The following PYGO1 variants were observed in gnomAD, a reference collection of about 807,000 sequenced individuals.
The protein encoded by PYGO1 is pygopus family PHD finger 1.
PYGO1 carries 6 observed loss-of-function variants against 29.5 expected under a neutral mutation model. The ratio of observed to expected loss-of-function variants is 0.20; its 90% CI spans 0.11 to 0.40. The LOEUF is 0.40. Ranked by LOEUF, PYGO1 falls within the 10% of genes least tolerant of loss-of-function variation. The pLI is 1.00. For missense variants in PYGO1, 515 were observed against 514.9 expected, an observed-to-expected ratio of 1.00 and a Z score of 0.00; for synonymous variants, 186 against 180.5, an observed-to-expected ratio of 1.03 and a Z score of -0.24.
chr15:55,574,592 G>A (rs2058993528), intron 1 of PYGO1, among the ~76,000 whole-genome samples: 1 of 151,764 alleles, frequency 6.6e-6, no homozygotes, highest in South Asian at 2.1e-4. Flanking sequence ...TCAATTTGTT[G>A]CAATTCTTCA....
intron 1 of PYGO1, among the ~76,000 whole-genome samples, chr15:55,569,604 A>AT: frequency 6.6e-6 from 1 of 152,252 alleles, no homozygotes; most frequent in South Asian, 2.1e-4. Context: ...CAATTGTGTG[A>AT]TTTTGAGAGA....
chr15:55,550,998 T>C (rs2058876453), intron 1 of PYGO1, among the ~76,000 whole-genome samples: 1 of 152,122 alleles, frequency 6.6e-6, no homozygotes, highest in South Asian at 2.1e-4. Flanking sequence ...ACAACCTAGA[T>C]CCCTCGCATG....
At chr15:55,560,210 A>C (rs1322242637) in intron 1 of PYGO1, among the ~76,000 whole-genome samples, 3 of 152,116 alleles carry the variant, frequency 2.0e-5, no homozygotes, top group African/African-American at 7.2e-5. Flanking sequence ...AAAGAAATAA[A>C]GTGTATTCAA....
intron 1 of PYGO1, 84 bp from the exon 2 acceptor site, chr15:55,549,079 CT>C (rs2058867231): frequency 9.8e-7 from 1 of 1,015,778 alleles, no homozygotes. Flanking sequence ...TTATATTTAC[CT>C]GTTAATGTTT....
chr15:55,583,615 C>A (rs531321512), intron 1 of PYGO1, among the ~76,000 whole-genome samples: 3 of 152,228 alleles, frequency 2.0e-5, no homozygotes, highest in South Asian at 4.1e-4. Flanking sequence ...CTCCTGGGCT[C>A]AAGGGATCCT....
rs554154421 is a variant in PYGO1, at chr15:55,578,147, C to A, written c.49+9688G>T. On this transcript the variant is annotated intron_variant, in intron 1 of 2. Transcript: ENST00000563719. ...CGTTTAGCATAACATTTTCAAGGTT[C>A]ATCCATGTTGTAGTATGTATCAGTA... 2.6e-5 allele frequency among the ~76,000 whole-genome samples: 4 copies of A among 152,254 alleles called. No homozygotes were observed. The South Asian group carries it at 8.3e-4, about 32-fold the overall frequency.
At chr15:55,563,838 T>TA (rs2058943706) in intron 1 of PYGO1, among the ~76,000 whole-genome samples, 1 of 152,128 alleles carries the variant, frequency 6.6e-6, no homozygotes, top group Non-Finnish European at 1.5e-5. Context: ...GTAGTCGTTA[T>TA]AAAAAATGCA....
At chr15:55,576,759 T>TAAAAAAAAAAAAAAAA (rs1567059330) in intron 1 of PYGO1, among the ~76,000 whole-genome samples, 1 of 4,190 alleles carries the variant, frequency 2.4e-4, no homozygotes, top group Admixed American at 3.9e-3. Context: ...GGGCGACAGA[T>TAAAAAAAAAAAAAAAA]CAAAAAAAAG....
intron 1 of PYGO1, among the ~76,000 whole-genome samples, chr15:55,584,624 T>C (rs1045069309): frequency 6.6e-6 from 1 of 152,162 alleles, no homozygotes; most frequent in Admixed American, 6.5e-5. Context: ...AAATGGACTA[T>C]CAGAAAGCAG....
At chr15:55,583,947 C>CT (rs1454431779) in intron 1 of PYGO1, among the ~76,000 whole-genome samples, 1 of 152,180 alleles carries the variant, frequency 6.6e-6, no homozygotes, top group East Asian at 1.9e-4. Context: ...CAAAAGAACA[C>CT]TCACTACTTC....
chr15:55,547,769 G>A (rs943635627), intron 2 of PYGO1, among the ~76,000 whole-genome samples: 2 of 152,120 alleles, frequency 1.3e-5, no homozygotes, highest in African/African-American at 4.8e-5. Context: ...CATAGAAAGA[G>A]TGCTTCAAAT....
chr15:55,587,273 A>G (rs1284509326), intron 1 of PYGO1, among the ~76,000 whole-genome samples: 1 of 152,142 alleles, frequency 6.6e-6, no homozygotes, highest in Admixed American at 6.5e-5. Context: ...ATTTTAGATA[A>G]TATCTTATCC....
intron 1 of PYGO1, among the ~76,000 whole-genome samples, chr15:55,587,241 A>G (rs1032664936): frequency 6.6e-6 from 1 of 152,242 alleles, no homozygotes; most frequent in African/African-American, 2.4e-5. Context: ...AGAAAGAAGA[A>G]AATCAACCAT....
In PYGO1 at chr15:55,546,598, AAG is replaced by A; in HGVS notation, c.683_684del (p.Thr228IlefsTer22). Reference sequence around the variant, plus strand: ...GGGGGTGGTGCTTTTGCTTGACCAAAAGTGTTTGGGGGAGGAATAAAAGAATG... The same window carrying A: ...GGGGGTGGTGCTTTTGCTTGACCAAATGTTTGGGGGAGGAATAAAAGAATG... ...SNHSFIPPPN[T>X]FGQAKAPPPK... On this transcript the variant is annotated frameshift_variant, in exon 3 of 3. Transcript: ENST00000563719. LOFTEE classifies it high-confidence loss of function. 6.2e-7 allele frequency: 1 copy of A among 1,613,816 alleles called. No individual in the cohort carries two copies. Among genetic ancestry groups the A allele is most frequent in the Non-Finnish European group, 8.5e-7 (1 of 1,179,960 alleles).
At chr15:55,559,531 G>A (rs1055756435) in intron 1 of PYGO1, among the ~76,000 whole-genome samples, 9 of 152,118 alleles carry the variant, frequency 5.9e-5, no homozygotes, top group African/African-American at 2.2e-4. Context: ...ACATGCACAC[G>A]TATGTTTACT....
intron 1 of PYGO1, among the ~76,000 whole-genome samples, chr15:55,560,376 A>C (rs1449963852): frequency 1.3e-5 from 2 of 152,128 alleles, no homozygotes; most frequent in Admixed American, 6.6e-5. Flanking sequence ...AAGCATTACT[A>C]TACACCAACA....
chr15:55,555,123 G>T (rs983616026), intron 1 of PYGO1, among the ~76,000 whole-genome samples: 3 of 152,100 alleles, frequency 2.0e-5, no homozygotes, highest in African/African-American at 7.2e-5. Context: ...AGGCCAGGTC[G>T]CCTACAAAGG....
intron 1 of PYGO1, among the ~76,000 whole-genome samples, chr15:55,567,185 T>A (rs1253908428): frequency 7.2e-6 from 1 of 138,350 alleles, no homozygotes; most frequent in Non-Finnish European, 1.6e-5. Context: ...TCTGTTCCTG[T>A]CTTTTGCCCA....
At position 55,540,294 on chromosome 15, in the gene PYGO1, G is replaced by A. The variant is rs922789673; in HGVS notation, c.*5729C>T. ...TCTTAATCATGTCTAAATAAATGAA[G>A]ATAAATATTACAGTACTACTTATTT... On this transcript the variant is annotated 3_prime_UTR_variant, in exon 3 of 3. Transcript: ENST00000563719. 6.6e-6 allele frequency: 1 copy of A among 151,952 alleles called. No homozygotes were observed. The highest frequency in any genetic ancestry group is 1.5e-5 in the Non-Finnish European group (1 of 67,898). The allele number at this position is 151,952 out of a possible 1,614,324, so 9.4% of individuals were successfully genotyped here. A position where few individuals can be genotyped will look rare whatever the true frequency, so the allele number is the denominator to read the frequency against.
Sources: allele counts gnomAD v4.1 joint callset (sites outside exome capture counted in the v4.1 genomes callset), GRCh38; gene constraint gnomAD v4.1.1; transcripts MANE v1.5; gene names NCBI Gene and HGNC (gene_info 2026-07-23, HGNC 2026-07-21).